The following HEBP1 variants were observed in gnomAD, a reference collection of about 807,000 sequenced individuals.
HEBP1 encodes heme-binding protein 1.
Under a neutral mutation model 20.4 loss-of-function variants are expected in HEBP1, and 13 were observed. The ratio of observed to expected loss-of-function variants is 0.64; its 90% CI spans 0.42 to 1.01. HEBP1 has a LOEUF of 1.01. Ranked by LOEUF, HEBP1 falls within the 50% of genes least tolerant of loss-of-function variation. The pLI is 0.00. For missense variants in HEBP1, 241 were observed against 247.3 expected (o/e 0.97, Z 0.17); for synonymous variants, 92 against 90.7 (o/e 1.01, Z -0.08).
chr12:12,991,668 A>C (rs1431405466), intron 1 of HEBP1, among the ~76,000 whole-genome samples: 2 of 152,258 alleles, frequency 1.3e-5, no homozygotes, highest in Non-Finnish European at 2.9e-5. Context: ...ATCCACAAGA[A>C]GGAAAGCATT....
intron 3 of HEBP1, among the ~76,000 whole-genome samples, chr12:12,978,359 C>T (rs189499502): frequency 3.3e-5 from 5 of 151,820 alleles, no homozygotes; most frequent in East Asian, 1.9e-4. Context: ...TACAGGCACA[C>T]GCCCAGCTAA....
chr12:12,990,669 C>T (rs924210721), intron 1 of HEBP1, among the ~76,000 whole-genome samples: 18 of 152,090 alleles, frequency 1.2e-4, no homozygotes, highest in African/African-American at 3.9e-4. Context: ...AATAAGACCC[C>T]CTTCTTGCCT....
intron 3 of HEBP1, among the ~76,000 whole-genome samples, chr12:12,983,057 G>A (rs1235924652): frequency 1.3e-5 from 2 of 152,162 alleles, no homozygotes; most frequent in Non-Finnish European, 2.9e-5. Context: ...GAACTGGGTT[G>A]GAGCATAGGT....
intron 3 of HEBP1, among the ~76,000 whole-genome samples, chr12:12,981,058 T>A (rs1275176447): frequency 6.6e-6 from 1 of 152,114 alleles, no homozygotes; most frequent in Non-Finnish European, 1.5e-5. Context: ...GCCAATACCA[T>A]GGCAATCATT....
chr12:12,987,114 A>G (rs1452908179), intron 3 of HEBP1, 38 bp downstream of exon 3: 2 of 1,565,306 alleles, frequency 1.3e-6, no homozygotes, highest in Non-Finnish European at 8.8e-7. Flanking sequence ...ACGGGAATCA[A>G]GCGCCACCCA....
intron 1 of HEBP1, among the ~76,000 whole-genome samples, chr12:12,999,612 C>G (rs895606027): frequency 2.0e-5 from 3 of 152,246 alleles, no homozygotes; most frequent in Non-Finnish European, 4.4e-5. Flanking sequence ...CCACAGGTAA[C>G]TGAAATCGCG....
intron 1 of HEBP1, among the ~76,000 whole-genome samples, chr12:12,999,024 G>A (rs1395882318): frequency 6.6e-6 from 1 of 152,194 alleles, no homozygotes; most frequent in African/African-American, 2.4e-5. Context: ...ACATCCCTGA[G>A]GCCCCAGCTC....
intron 3 of HEBP1, among the ~76,000 whole-genome samples, chr12:12,978,281 G>C (rs1430741690): frequency 7.2e-6 from 1 of 137,976 alleles, no homozygotes; most frequent in African/African-American, 2.7e-5. Flanking sequence ...CGCAATCTCG[G>C]CTCATTGCAA....
At chr12:12,999,077 T>C (rs1274503412) in intron 1 of HEBP1, among the ~76,000 whole-genome samples, 3 of 152,256 alleles carry the variant, frequency 2.0e-5, no homozygotes, top group East Asian at 3.8e-4. Context: ...CCTGGCAGAA[T>C]TGACTGCCTC....
In HEBP1 at chr12:12,989,370, C is replaced by T. The variant is rs1864190732; in HGVS notation, c.124G>A (p.Ala42Thr). 3 of 1,614,238 alleles carry T rather than the reference C, an allele frequency of 1.9e-6. No individual in the cohort carries two copies. The highest frequency in any genetic ancestry group is 2.5e-6 in the Non-Finnish European group (3 of 1,180,016). Residue 42 changes from alanine to threonine, a missense_variant, in exon 2 of 4, where the codon GCC (alanine) becomes ACC (threonine). Transcript: ENST00000014930. ...EERACEGGKF[A>T]TVEVTDKPVD... is the part of the protein sequence containing the mutation. ...GGCTTATCTGTCACTTCTACTGTGGCAAATTTGCCGCCTTCACAGGCCCTT... is the reference window on the plus strand; with the variant it reads ...GGCTTATCTGTCACTTCTACTGTGGTAAATTTGCCGCCTTCACAGGCCCTT...
chr12:12,993,785 T>A (rs751299313), intron 1 of HEBP1, among the ~76,000 whole-genome samples: 1 of 152,162 alleles, frequency 6.6e-6, no homozygotes, highest in Non-Finnish European at 1.5e-5. Flanking sequence ...TGCTGAACAT[T>A]GTTACAGGTG....
chr12:12,987,612 TTCTC>T (rs71064360), intron 2 of HEBP1, among the ~76,000 whole-genome samples: 98 of 117,840 alleles, frequency 8.3e-4, no homozygotes, highest in Admixed American at 2.2e-3. Flanking sequence ...CTCTCTCTCT[TTCTC>T]TCTCTCTCTC....
At chr12:12,983,405 A>G (rs541724603) in intron 3 of HEBP1, 50 of 261,614 alleles carry the variant, frequency 1.9e-4, no homozygotes, top group Middle Eastern at 2.9e-3. Context: ...ATCCCTTTGT[A>G]AACATCTCTT....
chr12:12,984,282 C>T (rs1288351407), intron 3 of HEBP1: 1 of 154,566 alleles, frequency 6.5e-6, no homozygotes, highest in Non-Finnish European at 1.4e-5. Context: ...AAACAGAGAA[C>T]ATTATCGTTT....
At chr12:12,988,224 T>C (rs1864176786) in intron 2 of HEBP1, among the ~76,000 whole-genome samples, 1 of 152,120 alleles carries the variant, frequency 6.6e-6, no homozygotes, top group African/African-American at 2.4e-5. Context: ...AAAGACAACA[T>C]TGATTGTATT....
intron 3 of HEBP1, chr12:12,983,607 A>G: frequency 2.2e-6 from 1 of 445,034 alleles, no homozygotes; most frequent in South Asian, 1.6e-5. Flanking sequence ...ACTGCAGGGT[A>G]ATTTTGAATG....
chr12:12,987,951 C>A (rs1864174935), intron 2 of HEBP1, among the ~76,000 whole-genome samples: 1 of 152,008 alleles, frequency 6.6e-6, no homozygotes, highest in African/African-American at 2.4e-5. Context: ...TTAATTACTG[C>A]CTATTTAAAA....
chr12:12,975,508 C>T lies in HEBP1; in HGVS notation c.399-29G>A, dbSNP rs548062923. The T allele has an allele frequency of 3.6e-5, 57 of 1,583,518 alleles. No individual in the cohort carries two copies. The Admixed American group carries it at 6.0e-4, about 17-fold the overall frequency. ...GGGGTTCAAGAGCAAGGGCTGGTTACGAAAGGACATGACCTCTGAGAGAGG... is the reference window on the plus strand; with the variant it reads ...GGGGTTCAAGAGCAAGGGCTGGTTATGAAAGGACATGACCTCTGAGAGAGG... On this transcript the variant is annotated intron_variant, in intron 3 of 3. Transcript: ENST00000014930.
chr12:12,989,263 G>A lies in HEBP1; in HGVS notation c.217+14C>T, dbSNP rs753000071. 14 of 1,613,560 alleles carry A rather than the reference G, an allele frequency of 8.7e-6. No individual in the cohort carries two copies. In the East Asian group the frequency reaches 3.1e-4, roughly 36 times the overall value. ...GTCCCCGAGACCAGAGCCACATCCT[G>A]CAGGGGTACTCACCCTTGTCATTGG... On this transcript the variant is annotated intron_variant, in intron 2 of 3. Coordinates refer to ENST00000014930, the MANE Select transcript of HEBP1 (RefSeq NM_015987.5).
Sources: allele counts gnomAD v4.1 joint callset (sites outside exome capture counted in the v4.1 genomes callset), GRCh38; gene constraint gnomAD v4.1.1; transcripts MANE v1.5; gene names NCBI Gene and HGNC (gene_info 2026-07-23, HGNC 2026-07-21).